DOCK9: variants seen among roughly 807,000 people sequenced by gnomAD.
DOCK9 encodes dedicator of cytokinesis protein 9.
Under a neutral mutation model 263.3 loss-of-function variants are expected in DOCK9, and 89 were observed. The observed-to-expected ratio is 0.34, with a 90% confidence interval of 0.28 to 0.40. The LOEUF (loss-of-function observed/expected upper bound fraction) is 0.40, where lower values mean the gene tolerates loss of function less well. Ranked by LOEUF, DOCK9 falls within the 10% of genes least tolerant of loss-of-function variation. DOCK9 has a pLI of 1.00. For missense variants in DOCK9, 2,140 were observed against 2,603.4 expected (o/e 0.82, Z 3.87); for synonymous variants, 976 against 973.1 (o/e 1.00, Z -0.06).
intron 39 of DOCK9, chr13:98,832,115 T>C (rs2092789024): frequency 4.1e-6 from 1 of 242,472 alleles, no homozygotes; most frequent in Admixed American, 4.9e-5. Flanking sequence ...TTGTGACATC[T>C]TAATTCCAAC....
chr13:98,796,219 C>T (rs766165272), intron 52 of DOCK9: 14 of 1,587,208 alleles, frequency 8.8e-6, no homozygotes, highest in South Asian at 1.1e-5. Context: ...CCCAGCTGAA[C>T]GTGTTAGCAT....
intron 1 of DOCK9, among the ~76,000 whole-genome samples, chr13:99,005,872 A>G (rs1883248708): frequency 6.8e-6 from 1 of 146,382 alleles, no homozygotes; most frequent in Non-Finnish European, 1.5e-5. Flanking sequence ...CTTTATTTAC[A>G]AAAACAGACA....
At chr13:98,880,052 T>C (rs1228483336) in intron 26 of DOCK9, 83 bp from the exon 27 acceptor site, 27 of 1,109,320 alleles carry the variant, frequency 2.4e-5, no homozygotes, top group Non-Finnish European at 3.4e-5. Context: ...GACAATATTA[T>C]TGACATAAAG....
intron 43 of DOCK9, 56 bp from the exon 44 acceptor site, chr13:98,826,943 C>T (rs1031874156): frequency 1.5e-6 from 2 of 1,354,998 alleles, no homozygotes; most frequent in African/African-American, 1.4e-5. Context: ...AGTCATAATG[C>T]TCCCACACAG....
intron 49 of DOCK9, among the ~76,000 whole-genome samples, chr13:98,803,054 C>A (rs1034432550): frequency 3.3e-5 from 5 of 152,126 alleles, no homozygotes; most frequent in African/African-American, 1.2e-4. Context: ...CCCAAGGTCA[C>A]ACAATGAGGC....
chr13:98,860,580 G>A (rs2093833567), intron 32 of DOCK9, 58 bp from the exon 33 acceptor site: 1 of 1,473,172 alleles, frequency 6.8e-7, no homozygotes, highest in Non-Finnish European at 9.1e-7. Flanking sequence ...TTCCTCCCCT[G>A]TTCTTGGAAG....
At chr13:99,074,965 A>G (rs1466744513) in intron 1 of DOCK9, among the ~76,000 whole-genome samples, 1 of 152,216 alleles carries the variant, frequency 6.6e-6, no homozygotes, top group African/African-American at 2.4e-5. Context: ...TGGCTATGAA[A>G]TCATTACAGT....
Position 98,837,616 on chromosome 13 carries a change from G to C in DOCK9, c.4199-7C>G. ...GCGTCCGAGTGGCCATAGCCTGCAT[G>C]AATTACAACACAAGATTACTGCCCA... is the stretch of plus-strand genomic sequence containing the variant. On this transcript the variant is annotated splice_region_variant and splice_polypyrimidine_tract_variant and intron_variant, in intron 38 of 52. Coordinates refer to ENST00000682017, the MANE Select transcript of DOCK9 (RefSeq NM_001366683.2). 3 of 1,597,572 alleles carry C rather than the reference G, an allele frequency of 1.9e-6. No individual in the cohort carries two copies. Among genetic ancestry groups the C allele is most frequent in the Non-Finnish European group, 2.6e-6 (3 of 1,165,948 alleles).
chr13:98,890,503 T>C (rs2046454628), intron 15 of DOCK9, among the ~76,000 whole-genome samples: 2 of 152,172 alleles, frequency 1.3e-5, no homozygotes, highest in African/African-American at 4.8e-5. Flanking sequence ...GGATGACTAG[T>C]TCAACACGAT....
In DOCK9 at chr13:98,939,680, C is replaced by T. The variant is rs1229238790; in HGVS notation, c.244-9423G>A. ...CCCAGGAGGTTCGAGCAAGACTGAG[C>T]TCTTCAGGAGCATTCCCTGGGCCTG... On this transcript the variant is annotated intron_variant, in intron 2 of 52. Coordinates refer to ENST00000682017, the MANE Select transcript of DOCK9 (RefSeq NM_001366683.2). 2.6e-5 allele frequency among the ~76,000 whole-genome samples: 4 copies of T among 152,210 alleles called. No homozygotes were observed. The East Asian group carries it at 7.7e-4, about 29-fold the overall frequency.
chr13:98,809,593 G>T, intron 46 of DOCK9, 128 bp from the exon 47 acceptor site: 1 of 746,318 alleles, frequency 1.3e-6, no homozygotes, highest in Non-Finnish European at 2.1e-6. Flanking sequence ...ACACATTTTG[G>T]CTGCACAACT....
intron 1 of DOCK9, chr13:99,015,815 C>T (rs918403389): frequency 7.9e-7 from 1 of 1,268,694 alleles, no homozygotes; most frequent in Non-Finnish European, 9.9e-7. Flanking sequence ...GAGTGTAAAA[C>T]AGGAGGGGTG....
At chr13:98,975,854 G>A (rs762920500) in intron 1 of DOCK9, among the ~76,000 whole-genome samples, 13 of 152,110 alleles carry the variant, frequency 8.5e-5, no homozygotes, top group South Asian at 2.1e-4. Context: ...CAAGCCCGTG[G>A]GCCACTGACA....
intron 1 of DOCK9, among the ~76,000 whole-genome samples, chr13:99,013,282 T>G (rs967289546): frequency 1.3e-5 from 2 of 152,076 alleles, no homozygotes; most frequent in African/African-American, 4.8e-5. Flanking sequence ...ATTATTTTGT[T>G]GTTGTTGTTG....
rs369655393 is a variant in DOCK9 at position 98,990,671 on chromosome 13, A to G, written c.130-35120T>C. On this transcript the variant is annotated intron_variant, in intron 1 of 32. Transcript: ENST00000427887. ...CCACTTATCTCAGGGACACACATCC[A>G]CAAAAATGAGGACAGACAATCCCAT... Among the ~76,000 whole-genome samples the G allele has an allele frequency of 2.0e-4, 30 of 152,226 alleles. No individual in the cohort carries two copies. The East Asian group carries it at 3.5e-3, about 18-fold the overall frequency.
chr13:98,999,310 A>ACTCTCTCTCTCT (rs1385708574), intron 1 of DOCK9, among the ~76,000 whole-genome samples: 4 of 125,498 alleles, frequency 3.2e-5, no homozygotes, highest in East Asian at 2.1e-4. Flanking sequence ...ACACACACAC[A>ACTCTCTCTCTCT]CACACACTCT....
At chr13:98,845,260 A>T (rs138272334) in intron 38 of DOCK9, 186 of 1,174,416 alleles carry the variant, frequency 1.6e-4, no homozygotes, top group Non-Finnish European at 1.5e-5. Context: ...AGGCAAGATG[A>T]ACAAAAAGGG....
rs1423442637 is a variant in DOCK9, at chr13:99,008,239, T to A, written c.130-52688A>T. The stretch of plus-strand genomic sequence containing the variant: ...ATATATATATATATATATATATTTT[T>A]TTTTTTTTTTGAGACGAAGTCTCAT... On this transcript the variant is annotated intron_variant, in intron 1 of 32. Coordinates refer to the DOCK9 transcript ENST00000427887. Among the ~76,000 whole-genome samples, 43 of 143,492 alleles carry A rather than the reference T, an allele frequency of 3.0e-4. No homozygotes were observed. The South Asian group carries it at 7.2e-3, about 24-fold the overall frequency. 94.1% of individuals were successfully genotyped at this position (143,492 alleles called of 152,430 possible).
In DOCK9 at chr13:98,885,038, T is replaced by C. The variant is rs207474303; in HGVS notation, c.2315A>G (p.Gln772Arg). Reference sequence around the variant, plus strand: ...AAGGTTCGCCGAGACCGGGATGTGCTGCTCGCTTGTCACCACCCTTCCGTC... The same window carrying C: ...AAGGTTCGCCGAGACCGGGATGTGCCGCTCGCTTGTCACCACCCTTCCGTC... ...LKDGRVVTSE[Q>R]HIPVSANLPS... Residue 772 changes from glutamine (Q) to arginine (R), a missense_variant, in exon 21 of 53, where the codon CAG becomes CGG. Coordinates refer to ENST00000682017, the MANE Select transcript of DOCK9 (RefSeq NM_001366683.2). The C allele has an allele frequency of 6.2e-7, 1 of 1,613,636 alleles. No homozygotes were observed. The highest frequency in any genetic ancestry group is 1.3e-5 in the African/African-American group (1 of 74,910).
Sources: gnomAD v4.1 joint callset for allele counts (sites outside exome capture counted in the v4.1 genomes callset) on GRCh38, gnomAD v4.1.1 for gene constraint, MANE v1.5 for transcripts, NCBI Gene and HGNC (gene_info 2026-07-23, HGNC 2026-07-21) for gene names.